The following SRCIN1 variants were observed in gnomAD, a reference collection of about 807,000 sequenced individuals.
SRCIN1 encodes P130Cas-associated protein.
SRCIN1 carries 50 observed loss-of-function variants against 116.2 expected under a neutral mutation model. The observed-to-expected ratio is 0.43, with a 90% CI of 0.34 to 0.54. The LOEUF is 0.54. Among genes scored for constraint, SRCIN1 ranks in the 20% least tolerant of loss-of-function variants. The pLI, the probability that SRCIN1 is intolerant of heterozygous loss-of-function variation, is 0.02. For synonymous variants in SRCIN1, 736 were observed against 750.0 expected (o/e 0.98, Z 0.30); for missense variants, 1,446 against 1,672.0 (o/e 0.86, Z 2.36).
Position 38,563,210 on chromosome 17 carries a change from G to C in SRCIN1, c.740+113C>G. Reference sequence around the variant, plus strand: ...GGCGGTAGGGCTCTGGGAGGGGAGGGGAAAGGCTGAGGTCGGGTCAGGAAG... The same window carrying C: ...GGCGGTAGGGCTCTGGGAGGGGAGGCGAAAGGCTGAGGTCGGGTCAGGAAG... On this transcript the variant is annotated intron_variant, in intron 5 of 18. Coordinates refer to ENST00000617146, the MANE Select transcript of SRCIN1 (RefSeq NM_025248.3). The surrounding 1 kb of genome is among the most constrained non-coding windows in gnomAD (Gnocchi z 5.8). The C allele has an allele frequency of 8.0e-7, 1 of 1,245,150 alleles. No individual in the cohort carries two copies. 77.1% of individuals were successfully genotyped at this position (1,245,150 alleles called of 1,614,324 possible).
intron 16 of SRCIN1, 118 bp downstream of exon 16, chr17:38,548,938 T>C (rs1323308710): frequency 7.6e-7 from 1 of 1,323,880 alleles, no homozygotes; most frequent in Non-Finnish European, 1.0e-6. Flanking sequence ...CACTCCCTCT[T>C]TCCTTCCATG....
chr17:38,569,822 G>T (rs976865799), intron 2 of SRCIN1, among the ~76,000 whole-genome samples: 5 of 152,184 alleles, frequency 3.3e-5, no homozygotes, highest in African/African-American at 1.2e-4. Flanking sequence ...GGGTAGGGGA[G>T]ACCAGGGACC....
At chr17:38,569,686 C>CA (rs1056946039) in intron 2 of SRCIN1, among the ~76,000 whole-genome samples, 9 of 151,688 alleles carry the variant, frequency 5.9e-5, no homozygotes, top group African/African-American at 1.2e-4. Context: ...CAACAACAAC[C>CA]AAAAAAAACA....
upstream of SRCIN1, among the ~76,000 whole-genome samples, chr17:38,606,160 C>T (rs988115274): frequency 1.6e-4 from 25 of 151,760 alleles, no homozygotes; most frequent in African/African-American, 5.6e-4. This position sits in a 1 kb window ranked among gnomAD's most constrained non-coding sequence, Gnocchi z 5.2. Flanking sequence ...CGCTCACTCT[C>T]TCCTTCCCGC....
chr17:38,551,904 G>A lies in SRCIN1; in HGVS notation c.2709C>T (p.Asp903=). 2 of 1,613,976 alleles carry A rather than the reference G, an allele frequency of 1.2e-6. No homozygotes were observed. Among genetic ancestry groups the A allele is most frequent in the Non-Finnish European group, 1.7e-6 (2 of 1,179,906 alleles). ...CCAGCACCTCAACAGACACAGCTTT[G>A]TCCACGCTTCTCTTGCCAGGAGTGT... ...GLDTPGKRSV[D]KAVSVEAAER... The change falls in exon 14 of 19, where the codon GAC becomes GAT. Residue 903 remains aspartate (D), a synonymous_variant. Coordinates refer to ENST00000617146, the MANE Select transcript of SRCIN1 (RefSeq NM_025248.3).
intron 11 of SRCIN1, among the ~76,000 whole-genome samples, chr17:38,554,937 A>G (rs1021137608): frequency 2.0e-5 from 3 of 152,232 alleles, no homozygotes; most frequent in Non-Finnish European, 4.4e-5. Flanking sequence ...TGTCATCAGC[A>G]AATCTTATCA....
intron 14 of SRCIN1, 174 bp from the exon 15 acceptor site, chr17:38,551,563 T>C (rs545773250): frequency 3.1e-6 from 2 of 648,954 alleles, no homozygotes; most frequent in Non-Finnish European, 5.3e-6. Context: ...GGCATCCCCA[T>C]GGGTAGGAAT....
chr17:38,538,643 G>T (rs750906971), intron 18 of SRCIN1, among the ~76,000 whole-genome samples: 1 of 151,976 alleles, frequency 6.6e-6, no homozygotes, highest in African/African-American at 2.4e-5. Flanking sequence ...ACTGATACAC[G>T]TGAGGCCCAG....
At position 38,549,141 on chromosome 17, in the gene SRCIN1, C is replaced by T. The variant is rs1312841523; in HGVS notation, c.3032G>A (p.Arg1011Gln). ...SKSPPPPPPRRSFPSSHGLTT... is the reference protein window; with the variant it reads ...SKSPPPPPPRQSFPSSHGLTT... ...CAGGCCATGGGAGGAGGGGAAGCTC[C>T]GGCGGGGAGGGGGCGGTGGGGGCGA... is the stretch of plus-strand genomic sequence containing the variant. The change falls in exon 16 of 19, where the codon CGG becomes CAG. Residue 1011 changes from arginine (R) to glutamine (Q), a missense_variant. This residue lies in a region of SRCIN1 where 531 missense variants were observed against 633.9 expected (regional missense o/e 0.84). Transcript: ENST00000617146. The T allele has an allele frequency of 3.1e-6, 3 of 980,370 alleles. No homozygotes were observed. Among genetic ancestry groups the T allele is most frequent in the Non-Finnish European group, 3.1e-6 (2 of 653,686 alleles). 60.7% of individuals were successfully genotyped at this position (980,370 alleles called of 1,614,324 possible). A position where few individuals can be genotyped will look rare whatever the true frequency, so the allele number is the denominator to read the frequency against.
rs568074695 is a variant in SRCIN1, at chr17:38,574,144, A to G, written c.324+4346T>C. ...CCTCCTCCGCCTCCTACAGCTGAATATCCTCAAGTCAAGACCTCCCCTGGG... is the reference window on the plus strand; with the variant it reads ...CCTCCTCCGCCTCCTACAGCTGAATGTCCTCAAGTCAAGACCTCCCCTGGG... On this transcript the variant is annotated intron_variant, in intron 2 of 18. Coordinates refer to ENST00000617146, the MANE Select transcript of SRCIN1 (RefSeq NM_025248.3). Among the ~76,000 whole-genome samples, 10 of 152,236 alleles carry G rather than the reference A, an allele frequency of 6.6e-5. No homozygotes were observed. In the South Asian group the frequency reaches 1.9e-3, roughly 28 times the overall value.
rs528100746 is a variant in SRCIN1, at chr17:38,604,805, T to A, written c.22+879A>T. ...GGAGGGGAGGGGGGGCCACGGTGCG[T>A]CCCCTTCCCAGCCCCACCCTCCACC... On this transcript the variant is annotated intron_variant, in intron 1 of 18. Coordinates refer to ENST00000617146, the MANE Select transcript of SRCIN1 (RefSeq NM_025248.3). This position sits in a 1 kb window ranked among gnomAD's most constrained non-coding sequence, Gnocchi z 4.3. Among the ~76,000 whole-genome samples the A allele has an allele frequency of 1.3e-5, 2 of 149,684 alleles. No homozygotes were observed. Among genetic ancestry groups the A allele is most frequent in the Non-Finnish European group, 3.0e-5 (2 of 67,402 alleles).
intron 1 of SRCIN1, among the ~76,000 whole-genome samples, chr17:38,587,057 T>C (rs937587698): frequency 1.2e-4 from 18 of 152,126 alleles, no homozygotes; most frequent in Admixed American, 2.0e-4. Flanking sequence ...TCCTCGCCCA[T>C]CCCAGGCTGA....
intron 1 of SRCIN1, among the ~76,000 whole-genome samples, chr17:38,579,242 G>A (rs1907635224): frequency 6.6e-6 from 1 of 152,214 alleles, no homozygotes; most frequent in Non-Finnish European, 1.5e-5. Flanking sequence ...TGAGCTCGTA[G>A]TCTTCCTTTG....
chr17:38,584,036 C>T (rs1907974217), intron 1 of SRCIN1, among the ~76,000 whole-genome samples: 1 of 152,182 alleles, frequency 6.6e-6, no homozygotes, highest in African/African-American at 2.4e-5. Context: ...GCAAGCGGAT[C>T]CAGGCACCTG....
At chr17:38,556,474 C>T (rs1490934922) in intron 11 of SRCIN1, among the ~76,000 whole-genome samples, 1 of 152,248 alleles carries the variant, frequency 6.6e-6, no homozygotes, top group Non-Finnish European at 1.5e-5. Context: ...TTTTAACTTC[C>T]AGCAAGTTGC....
chr17:38,543,390 AG>A (rs1727780555), intron 18 of SRCIN1, among the ~76,000 whole-genome samples: 1 of 152,188 alleles, frequency 6.6e-6, no homozygotes, highest in Non-Finnish European at 1.5e-5. Context: ...GGGAGAGGGA[AG>A]CGGAGAGAGA....
rs377230656 is a variant in SRCIN1 at position 38,561,927 on chromosome 17, C to T, written c.1236G>A (p.Ala412=). Residue 412 remains alanine (A), a synonymous_variant, in exon 7 of 19, where the codon GCG becomes GCA. Coordinates refer to ENST00000617146, the MANE Select transcript of SRCIN1 (RefSeq NM_025248.3). Reference sequence around the variant, plus strand: ...GGTAGGCGAACGGGTCGCCGGCGGCCGCGGCCAGGCTCAGACGGCCCTCGT... The same window carrying T: ...GGTAGGCGAACGGGTCGCCGGCGGCTGCGGCCAGGCTCAGACGGCCCTCGT... ...LLHEGRLSLA[A]AAGDPFAYPG... 6.1e-3 allele frequency: 8,902 copies of T among 1,450,116 alleles called. 43 individuals are homozygous for T. Among genetic ancestry groups the T allele is most frequent in the Non-Finnish European group, 7.1e-3 (7,921 of 1,115,994 alleles). The allele number at this position is 1,450,116 out of a possible 1,614,324, so 89.8% of individuals were successfully genotyped here. A position where few individuals can be genotyped will look rare whatever the true frequency, so the allele number is the denominator to read the frequency against.
At chr17:38,548,774 A>C in intron 16 of SRCIN1, 65 bp from the exon 17 acceptor site, 1 of 1,475,688 alleles carries the variant, frequency 6.8e-7, no homozygotes, top group Non-Finnish European at 9.0e-7. Flanking sequence ...CTCACCTCCC[A>C]GGCCCCATCG....
Position 38,603,985 on chromosome 17 carries a change from C to T in SRCIN1, c.22+1699G>A, listed in dbSNP as rs960848500. 1.8e-4 allele frequency among the ~76,000 whole-genome samples: 27 copies of T among 152,172 alleles called. 1 individual carries two copies. The highest frequency in any genetic ancestry group is 1.8e-3 in the Admixed American group (27 of 15,280). On this transcript the variant is annotated intron_variant, in intron 1 of 18. Transcript: ENST00000617146. The stretch of plus-strand genomic sequence containing the variant: ...CACCATAGCTGCTCCCCACATACAA[C>T]CACACCAGAAACCACCACCATCACA...
Sources: gnomAD v4.1 joint callset for allele counts (sites outside exome capture counted in the v4.1 genomes callset) on GRCh38, gnomAD v4.1.1 for gene constraint, gnomAD v4.1.1 regional missense constraint, Gnocchi (gnomAD v3.1) non-coding constraint, MANE v1.5 for transcripts, NCBI Gene and HGNC (gene_info 2026-07-23, HGNC 2026-07-21) for gene names.